The following PCDH7 variants were observed in gnomAD, a reference collection of about 807,000 sequenced individuals.
The protein encoded by PCDH7 is protocadherin-7.
Under a neutral mutation model 58.9 loss-of-function variants are expected in PCDH7, and 17 were observed. The ratio of observed to expected loss-of-function variants is 0.29; its 90% CI spans 0.20 to 0.43. The LOEUF is 0.43. PCDH7 is among the 20% of genes least tolerant of loss of function. PCDH7 has a pLI of 1.00. For missense variants in PCDH7, 1,274 were observed against 1,441.0 expected (o/e 0.88, Z 1.88); for synonymous variants, 664 against 616.4 (o/e 1.08, Z -1.14).
At chr4:30,768,127 A>T (rs184705436) in intron 1 of PCDH7, among the ~76,000 whole-genome samples, 1 of 152,334 alleles carries the variant, frequency 6.6e-6, no homozygotes, top group Admixed American at 6.5e-5. Flanking sequence ...TTCTCACTCT[A>T]TGTAAATGTA....
intron 3 of PCDH7, among the ~76,000 whole-genome samples, chr4:31,003,769 G>C (rs1458421641): frequency 6.6e-6 from 1 of 151,998 alleles, no homozygotes; most frequent in African/African-American, 2.4e-5. Context: ...TTAGCCAAGC[G>C]TGGTGGCGGG....
At chr4:30,773,195 A>C (rs570833415) in intron 1 of PCDH7, among the ~76,000 whole-genome samples, 1 of 152,230 alleles carries the variant, frequency 6.6e-6, no homozygotes, top group South Asian at 2.1e-4. Context: ...GAGCTACCAC[A>C]CCCAGCCTAC....
chr4:30,905,116 C>A (rs1308775444), intron 1 of PCDH7, among the ~76,000 whole-genome samples: 3 of 152,112 alleles, frequency 2.0e-5, no homozygotes, highest in Admixed American at 2.0e-4. Flanking sequence ...TCTTAACATG[C>A]ACGTTTCATT....
chr4:30,972,916 C>G (rs1227700038), intron 3 of PCDH7, among the ~76,000 whole-genome samples: 1 of 152,122 alleles, frequency 6.6e-6, no homozygotes, highest in Non-Finnish European at 1.5e-5. Flanking sequence ...TTGGTTCTTT[C>G]TAGTTTAAAC....
At position 30,721,945 on chromosome 4, in the gene PCDH7, A is replaced by T; in HGVS notation, c.523A>T (p.Asn175Tyr). Residue 175 changes from asparagine (N) to tyrosine (Y), a missense_variant, in exon 1 of 2, where the codon AAC (asparagine) becomes TAC (tyrosine). Coordinates refer to ENST00000361762, the Ensembl canonical transcript of PCDH7. This position sits in a 1 kb window ranked among gnomAD's most constrained non-coding sequence, Gnocchi z 6.7. ...AGCCACCGACCGCGACTTCGGCCGCAACGGCATCGAGCGCTACGAGCTGCT... is the reference window on the plus strand; with the variant it reads ...AGCCACCGACCGCGACTTCGGCCGCTACGGCATCGAGCGCTACGAGCTGCT... 6.4e-7 allele frequency: 1 copy of T among 1,555,564 alleles called. No individual in the cohort carries two copies. Among genetic ancestry groups the T allele is most frequent in the East Asian group, 2.4e-5 (1 of 41,566 alleles).
In PCDH7 at chr4:31,103,543, G is replaced by A. The variant is rs531834295; in HGVS notation, c.*8-38930G>A. On this transcript the variant is annotated intron_variant, in intron 3 of 3. Coordinates refer to the PCDH7 transcript ENST00000509759. ...TAGAGAGACAGGGTTTCACCATGTT[G>A]GCCAGGCTGATCTCAACCTCCTGAC... is the stretch of plus-strand genomic sequence containing the variant. Among the ~76,000 whole-genome samples, 6 of 151,972 alleles carry A rather than the reference G, an allele frequency of 3.9e-5. No homozygotes were observed. The South Asian group carries it at 1.2e-3, about 32-fold the overall frequency.
chr4:30,911,058 A>T (rs1406019668), intron 1 of PCDH7, among the ~76,000 whole-genome samples: 1 of 152,176 alleles, frequency 6.6e-6, no homozygotes, highest in Non-Finnish European at 1.5e-5. Flanking sequence ...TAACACAGGA[A>T]CAGAAAGCCA....
chr4:31,098,359 G>T (rs955127061), intron 3 of PCDH7, among the ~76,000 whole-genome samples: 11 of 152,120 alleles, frequency 7.2e-5, no homozygotes, highest in South Asian at 2.1e-4. Flanking sequence ...TAATAAAAAG[G>T]ATTATATAGT....
chr4:31,077,206 T>A (rs1759072147), intron 3 of PCDH7, among the ~76,000 whole-genome samples: 1 of 150,850 alleles, frequency 6.6e-6, no homozygotes, highest in Non-Finnish European at 1.5e-5. Context: ...AGGTCAGGAG[T>A]TTGAGACCAG....
chr4:30,848,012 C>T (rs890782429), intron 1 of PCDH7, among the ~76,000 whole-genome samples: 1 of 151,948 alleles, frequency 6.6e-6, no homozygotes, highest in African/African-American at 2.4e-5. Flanking sequence ...TAATGAATTG[C>T]CTTGATATAT....
chr4:31,104,038 A>C (rs1715239795), intron 3 of PCDH7, among the ~76,000 whole-genome samples: 1 of 152,310 alleles, frequency 6.6e-6, no homozygotes, highest in South Asian at 2.1e-4. Flanking sequence ...TGGTGGTCAA[A>C]AGCCAACCAT....
At chr4:31,131,495 G>A (rs1434854663) in intron 3 of PCDH7, among the ~76,000 whole-genome samples, 1 of 152,102 alleles carries the variant, frequency 6.6e-6, no homozygotes, top group Non-Finnish European at 1.5e-5. Flanking sequence ...AGAGTAAGGA[G>A]CCAGCATTTC....
intron 1 of PCDH7, among the ~76,000 whole-genome samples, chr4:30,917,526 T>C (rs919132174): frequency 2.0e-5 from 3 of 152,036 alleles, no homozygotes; most frequent in African/African-American, 7.2e-5. Flanking sequence ...TGAGTTATGT[T>C]TTTATAAATT....
At chr4:31,126,504 A>G (rs1384121825) in intron 3 of PCDH7, among the ~76,000 whole-genome samples, 2 of 152,090 alleles carry the variant, frequency 1.3e-5, no homozygotes, top group South Asian at 2.1e-4. Context: ...AGGTTATAGT[A>G]CTACAATAGT....
chr4:31,119,362 A>T (rs151005091), intron 3 of PCDH7, among the ~76,000 whole-genome samples: 3 of 152,246 alleles, frequency 2.0e-5, no homozygotes, highest in African/African-American at 7.2e-5. Flanking sequence ...AAGGGTTATA[A>T]TTAATCCACA....
intron 3 of PCDH7, among the ~76,000 whole-genome samples, chr4:31,117,511 T>G (rs1329159993): frequency 6.6e-6 from 1 of 152,042 alleles, no homozygotes; most frequent in African/African-American, 2.4e-5. Context: ...TATCCCCCAA[T>G]TTTTTATCAT....
chr4:31,061,069 A>C (rs1757651623), intron 3 of PCDH7, among the ~76,000 whole-genome samples: 1 of 151,676 alleles, frequency 6.6e-6, no homozygotes, highest in Non-Finnish European at 1.5e-5. Context: ...TTCTCTTAGA[A>C]AGTGCATGCC....
At chr4:30,876,326 G>A (rs958555289) in intron 1 of PCDH7, among the ~76,000 whole-genome samples, 15 of 151,372 alleles carry the variant, frequency 9.9e-5, no homozygotes, top group Admixed American at 7.9e-4. Flanking sequence ...GGGGCTTAAC[G>A]TACATAAAAT....
intron 3 of PCDH7, among the ~76,000 whole-genome samples, chr4:30,999,145 G>A (rs903110509): frequency 7.9e-5 from 12 of 152,208 alleles, no homozygotes; most frequent in African/African-American, 2.2e-4. Flanking sequence ...CTACCTGGCC[G>A]TGAATACTAA....
Sources: gnomAD v4.1 joint callset for allele counts (sites outside exome capture counted in the v4.1 genomes callset) on GRCh38, gnomAD v4.1.1 for gene constraint, Gnocchi (gnomAD v3.1) non-coding constraint, MANE v1.5 for transcripts, NCBI Gene and HGNC (gene_info 2026-07-23, HGNC 2026-07-21) for gene names.